The following FOXP1 variants were observed in gnomAD, a reference collection of about 807,000 sequenced individuals.
FOXP1 encodes forkhead box P1, also known as forkhead box protein P1.
Under a neutral mutation model 98.2 loss-of-function variants are expected in FOXP1, and 15 were observed. The ratio of observed to expected loss-of-function variants is 0.15; its 90% CI spans 0.10 to 0.24. FOXP1 has a LOEUF of 0.24. Ranked by LOEUF, FOXP1 falls within the 10% of genes least tolerant of loss-of-function variation. The pLI is 1.00. For synonymous variants in FOXP1, 371 were observed against 314.5 expected (o/e 1.18, Z -1.90); for missense variants, 633 against 848.5 (o/e 0.75, Z 3.15).
intron 3 of FOXP1, among the ~76,000 whole-genome samples, chr3:71,366,370 T>C (rs1324841330): frequency 6.6e-6 from 1 of 152,196 alleles, no homozygotes; most frequent in South Asian, 2.1e-4. Context: ...TTATAGGTTG[T>C]AGTCATTAAA....
At chr3:71,292,873 T>C (rs1485666393) in intron 5 of FOXP1, among the ~76,000 whole-genome samples, 1 of 152,178 alleles carries the variant, frequency 6.6e-6, no homozygotes, top group Non-Finnish European at 1.5e-5. Flanking sequence ...AAACGATTCA[T>C]CTTCATTTCA....
rs397704711 is a variant in FOXP1 at position 71,177,840 on chromosome 3, C to CTTTT, written c.180+20358_180+20361dup. ...ATAGTTTATTTTCTTTTCTTTCTTT[C>CTTTT]TTTTTTTTTTTTTTTTTTTGAGAAA... is the stretch of plus-strand genomic sequence containing the variant. On this transcript the variant is annotated intron_variant, in intron 6 of 20. Coordinates refer to ENST00000649528, the MANE Select transcript of FOXP1 (RefSeq NM_001349338.3). Among the ~76,000 whole-genome samples, 1,064 of 114,830 alleles carry CTTTT rather than the reference C, an allele frequency of 9.3e-3. 32 individuals carry two copies. The highest frequency in any genetic ancestry group is 0.011 in the African/African-American group (309 of 28,452). The allele number at this position is 114,830 out of a possible 152,430, so 75.3% of individuals were successfully genotyped here.
intron 2 of FOXP1, among the ~76,000 whole-genome samples, chr3:71,562,765 A>G: frequency 6.6e-6 from 1 of 152,192 alleles, no homozygotes; most frequent in East Asian, 1.9e-4. Context: ...CATGTCAGGA[A>G]TAGAATAATT....
chr3:71,323,020 G>A (rs1034793623), intron 4 of FOXP1, among the ~76,000 whole-genome samples: 6 of 151,268 alleles, frequency 4.0e-5, no homozygotes, highest in African/African-American at 1.2e-4. Flanking sequence ...ACCCTGGCTG[G>A]AGTGCAGTGG....
intron 4 of FOXP1, among the ~76,000 whole-genome samples, chr3:71,340,539 TA>T (rs1220568039): frequency 2.0e-5 from 3 of 152,156 alleles, no homozygotes; most frequent in South Asian, 2.1e-4. Flanking sequence ...TCTTATTTCT[TA>T]AAAAAAATAA....
At chr3:71,109,482 C>T (rs2057730873) in intron 7 of FOXP1, among the ~76,000 whole-genome samples, 1 of 151,802 alleles carries the variant, frequency 6.6e-6, no homozygotes, top group South Asian at 2.1e-4. Context: ...CCTGTCAAGC[C>T]TTCCTCTATG....
At chr3:71,371,166 C>T (rs527599437) in intron 3 of FOXP1, among the ~76,000 whole-genome samples, 48 of 152,254 alleles carry the variant, frequency 3.2e-4, no homozygotes, top group African/African-American at 1.1e-3. Flanking sequence ...GTGCTGCTTC[C>T]GCCACTGCTG....
At chr3:71,111,565 CTT>C (rs774885381) in intron 7 of FOXP1, among the ~76,000 whole-genome samples, 2 of 152,026 alleles carry the variant, frequency 1.3e-5, no homozygotes, top group African/African-American at 2.4e-5. Context: ...GCTTGGCTAA[CTT>C]TTGTATTTTT....
At chr3:71,395,100 CAAAAAA>C (rs10543398) in intron 3 of FOXP1, among the ~76,000 whole-genome samples, 1 of 63,808 alleles carries the variant, frequency 1.6e-5, no homozygotes, top group Non-Finnish European at 2.8e-5. Flanking sequence ...AACCCCGTCA[CAAAAAA>C]AAAAAAAAAA....
At chr3:71,472,381 A>G (rs1014399006) in intron 3 of FOXP1, among the ~76,000 whole-genome samples, 11 of 152,206 alleles carry the variant, frequency 7.2e-5, no homozygotes, top group Non-Finnish European at 1.6e-4. Context: ...AAAATGAAAA[A>G]TCTTATGGGT....
In FOXP1 at chr3:70,979,295, A is replaced by G. The variant is rs1559625990; in HGVS notation, c.1147-1266T>C. Among the ~76,000 whole-genome samples, 16 of 143,046 alleles carry G rather than the reference A, an allele frequency of 1.1e-4. 1 individual carries two copies. Among genetic ancestry groups the G allele is most frequent in the South Asian group, 2.2e-4 (1 of 4,524 alleles). 93.8% of individuals were successfully genotyped at this position (143,046 alleles called of 152,430 possible). On this transcript the variant is annotated intron_variant, in intron 14 of 20. Coordinates refer to ENST00000649528, the MANE Select transcript of FOXP1 (RefSeq NM_001349338.3). ...ACTCTACCTCAAAAAAAAAAAAAAA[A>G]AAAAAAAAAAAAAAAAAAAAAAAAA...
chr3:70,993,082 A>G (rs1409931291), intron 13 of FOXP1, among the ~76,000 whole-genome samples: 1 of 152,238 alleles, frequency 6.6e-6, no homozygotes, highest in Non-Finnish European at 1.5e-5. Context: ...TGGTGTGATT[A>G]CAAATAGCAC....
intron 3 of FOXP1, among the ~76,000 whole-genome samples, chr3:71,408,758 C>T (rs1343459819): frequency 6.6e-6 from 1 of 152,204 alleles, no homozygotes; most frequent in African/African-American, 2.4e-5. Context: ...AGCAGACACC[C>T]TGTCATAACC....
Position 70,967,700 on chromosome 3 carries a change from G to GTTTTTTTTTTTT in FOXP1, c.1723-1645_1723-1644insAAAAAAAAAAAA, listed in dbSNP as rs1553657848. ...CTACTATTATTTGTTTTTTTTTTTT[G>GTTTTTTTTTTTT]TTTTTTTTTGTTTTTTTTTTTTTTT... On this transcript the variant is annotated intron_variant, in intron 19 of 20. Transcript: ENST00000649528. Among the ~76,000 whole-genome samples, 72 of 63,624 alleles carry GTTTTTTTTTTTT rather than the reference G, an allele frequency of 1.1e-3. 1 individual carries two copies. The highest frequency in any genetic ancestry group is 2.2e-3 in the African/African-American group (40 of 18,568). 41.7% of individuals were successfully genotyped at this position (63,624 alleles called of 152,430 possible).
At chr3:71,323,411 G>A (rs1447457408) in intron 4 of FOXP1, among the ~76,000 whole-genome samples, 1 of 152,088 alleles carries the variant, frequency 6.6e-6, no homozygotes, top group Non-Finnish European at 1.5e-5. Flanking sequence ...GGAGAGGAAA[G>A]GCTCATTTTG....
chr3:71,427,390 G>A (rs2084258992), intron 3 of FOXP1, among the ~76,000 whole-genome samples: 1 of 152,194 alleles, frequency 6.6e-6, no homozygotes, highest in Admixed American at 6.5e-5. Flanking sequence ...CCTACGGAGA[G>A]GGTCTGGCTG....
At position 71,112,497 on chromosome 3, in the gene FOXP1, A is replaced by G. The variant is rs1222819239; in HGVS notation, c.282+39T>C. 3 of 1,458,818 alleles carry G rather than the reference A, an allele frequency of 2.1e-6. No homozygotes were observed. The South Asian group carries it at 3.4e-5, about 17-fold the overall frequency. 90.4% of individuals were successfully genotyped at this position (1,458,818 alleles called of 1,614,324 possible). On this transcript the variant is annotated intron_variant, in intron 7 of 20. Coordinates refer to ENST00000649528, the MANE Select transcript of FOXP1 (RefSeq NM_001349338.3). ...CTGAACTGCTTGTCACTTATCCCAA[A>G]GGGTATAATGTCAATTTAAAAAGAA... is the stretch of plus-strand genomic sequence containing the variant.
chr3:71,513,416 TA>T (rs1320174682), intron 2 of FOXP1, among the ~76,000 whole-genome samples: 1 of 152,060 alleles, frequency 6.6e-6, no homozygotes, highest in East Asian at 1.9e-4. Flanking sequence ...AAAACAGATA[TA>T]AAAAGCCAGT....
intron 2 of FOXP1, among the ~76,000 whole-genome samples, chr3:71,569,493 C>G (rs1187883017): frequency 6.6e-6 from 1 of 152,056 alleles, no homozygotes; most frequent in African/African-American, 2.4e-5. Flanking sequence ...AGAGCAAGTA[C>G]TTATTAAGAA....
Sources: gnomAD v4.1 joint callset for allele counts (sites outside exome capture counted in the v4.1 genomes callset) on GRCh38, gnomAD v4.1.1 for gene constraint, MANE v1.5 for transcripts, NCBI Gene and HGNC (gene_info 2026-07-23, HGNC 2026-07-21) for gene names.